The following CSMD2 variants were observed in gnomAD, a reference collection of about 807,000 sequenced individuals.
The protein encoded by CSMD2 is CUB and Sushi multiple domains 2.
CSMD2 carries 130 observed loss-of-function variants against 398.5 expected under a neutral mutation model. The ratio of observed to expected loss-of-function variants is 0.33; its 90% confidence interval spans 0.28 to 0.38. The LOEUF is 0.38. Ranked by LOEUF, CSMD2 falls within the 10% of genes least tolerant of loss-of-function variation. CSMD2 has a pLI of 1.00. For synonymous variants in CSMD2, 1,828 were observed against 1,908.5 expected (o/e 0.96, Z 1.10); for missense variants, 3,829 against 4,764.9 (o/e 0.80, Z 5.78).
At chr1:34,050,611 G>A (rs1384316720) in intron 2 of CSMD2, among the ~76,000 whole-genome samples, 2 of 152,206 alleles carry the variant, frequency 1.3e-5, no homozygotes, top group African/African-American at 4.8e-5. Context: ...TTCTCCAGAA[G>A]GCTGTATATG....
intron 3 of CSMD2, among the ~76,000 whole-genome samples, chr1:34,003,026 A>C (rs938595909): frequency 6.6e-6 from 1 of 152,176 alleles, no homozygotes; most frequent in Non-Finnish European, 1.5e-5. Flanking sequence ...ACCTATTTGC[A>C]TAAACAGTAC....
chr1:33,690,915 G>A (rs1487351762), intron 25 of CSMD2, among the ~76,000 whole-genome samples: 2 of 152,170 alleles, frequency 1.3e-5, no homozygotes, highest in African/African-American at 4.8e-5. Flanking sequence ...GTGTCATCAG[G>A]AAAATATATG....
At chr1:34,110,591 A>C (rs1660981680) in intron 1 of CSMD2, among the ~76,000 whole-genome samples, 1 of 152,214 alleles carries the variant, frequency 6.6e-6, no homozygotes, top group Non-Finnish European at 1.5e-5. Context: ...TTAAGCTAGA[A>C]GTCATTATCC....
chr1:34,117,872 G>A (rs369274099), intron 1 of CSMD2, among the ~76,000 whole-genome samples: 8 of 152,204 alleles, frequency 5.3e-5, no homozygotes, highest in African/African-American at 1.7e-4. Context: ...TCATCTCAAT[G>A]CAGAAAAAGC....
intron 6 of CSMD2, among the ~76,000 whole-genome samples, chr1:33,828,734 A>C (rs940222542): frequency 1.3e-5 from 2 of 152,158 alleles, no homozygotes; most frequent in Admixed American, 6.5e-5. Context: ...GCCTCTCTCA[A>C]GGGCCCAGAA....
In CSMD2 at chr1:34,163,833, C is replaced by CT. The variant is rs1641586015; in HGVS notation, c.187+1077dup. Among the ~76,000 whole-genome samples the CT allele has an allele frequency of 6.6e-6, 1 of 152,118 alleles. No individual in the cohort carries two copies. The highest frequency in any genetic ancestry group is 2.1e-4 in the South Asian group (1 of 4,828). ...CCCGTCTCCACCCGGGCACACGGAA[C>CT]TTTCTAGCTTGTAGCTAGAACTGAG... is the stretch of plus-strand genomic sequence containing the variant. On this transcript the variant is annotated intron_variant, in intron 1 of 70. Coordinates refer to ENST00000373381, the MANE Select transcript of CSMD2 (RefSeq NM_001281956.2). The surrounding 1 kb of genome is among the most constrained non-coding windows in gnomAD (Gnocchi z 5.4).
intron 22 of CSMD2, among the ~76,000 whole-genome samples, chr1:33,705,946 A>C (rs754418363): frequency 1.8e-3 from 270 of 151,956 alleles, no homozygotes; most frequent in Non-Finnish European, 3.5e-3. Context: ...AAAAAAAAAA[A>C]AACAGTTGGT....
intron 5 of CSMD2, among the ~76,000 whole-genome samples, chr1:33,854,972 G>C (rs1277860316): frequency 6.6e-6 from 1 of 152,138 alleles, no homozygotes; most frequent in Non-Finnish European, 1.5e-5. Flanking sequence ...TGCTAGCTCA[G>C]CTGCTCAGCT....
At chr1:33,881,912 C>T (rs1641263980) in intron 5 of CSMD2, among the ~76,000 whole-genome samples, 1 of 152,040 alleles carries the variant, frequency 6.6e-6, no homozygotes, top group Non-Finnish European at 1.5e-5. Context: ...TTTTAATCCC[C>T]ATGTGTTGTA....
intron 1 of CSMD2, among the ~76,000 whole-genome samples, chr1:34,136,951 C>T (rs905953805): frequency 5.9e-5 from 9 of 152,112 alleles, no homozygotes; most frequent in Non-Finnish European, 1.0e-4. Context: ...TTTCCATTCA[C>T]TCATCCATTC....
At chr1:33,869,051 T>C (rs182084263) in intron 5 of CSMD2, 6 of 152,132 alleles carry the variant, frequency 3.9e-5, no homozygotes, top group Non-Finnish European at 7.4e-5. Context: ...CAACTGGAGG[T>C]GTGAACAAAT....
chr1:33,573,945 C>T (rs1052220254), intron 49 of CSMD2, among the ~76,000 whole-genome samples: 20 of 152,162 alleles, frequency 1.3e-4, no homozygotes, highest in Admixed American at 2.6e-4. Context: ...TGTGAAGGAA[C>T]GAGAATCAAA....
intron 55 of CSMD2, among the ~76,000 whole-genome samples, chr1:33,556,918 C>T (rs1340561357): frequency 6.6e-6 from 1 of 152,146 alleles, no homozygotes; most frequent in African/African-American, 2.4e-5. Context: ...TGAGGCCTCC[C>T]CAGCCCTGTG....
At chr1:34,126,243 C>G (rs1454854539) in intron 1 of CSMD2, among the ~76,000 whole-genome samples, 1 of 152,238 alleles carries the variant, frequency 6.6e-6, no homozygotes, top group Non-Finnish European at 1.5e-5. Context: ...GGGAGCTCAA[C>G]CTAAGGCACT....
chr1:33,999,969 A>T (rs472128), intron 3 of CSMD2, among the ~76,000 whole-genome samples: 3,835 of 152,264 alleles, frequency 0.025, 158 homozygotes, highest in African/African-American at 0.086. Flanking sequence ...CAGTGAAGGT[A>T]TTTACATTTT....
intron 3 of CSMD2, among the ~76,000 whole-genome samples, chr1:33,996,260 T>G (rs942882904): frequency 1.3e-5 from 2 of 152,216 alleles, no homozygotes; most frequent in African/African-American, 4.8e-5. Flanking sequence ...GCCCCAATCC[T>G]GGACACACAG....
At chr1:34,143,488 C>T (rs1427131554) in intron 1 of CSMD2, among the ~76,000 whole-genome samples, 1 of 152,102 alleles carries the variant, frequency 6.6e-6, no homozygotes, top group African/African-American at 2.4e-5. Context: ...TATTGTGATG[C>T]TCACCACATT....
At chr1:34,069,613 T>C (rs1398943688) in intron 2 of CSMD2, among the ~76,000 whole-genome samples, 1 of 152,198 alleles carries the variant, frequency 6.6e-6, no homozygotes, top group African/African-American at 2.4e-5. Flanking sequence ...ACATGGAGAC[T>C]ATAAGATGCT....
At chr1:33,827,563 C>T (rs6425842) in intron 6 of CSMD2, among the ~76,000 whole-genome samples, 118,656 of 152,162 alleles carry the variant, frequency 0.78, 47,005 homozygotes, top group East Asian at 0.94. Flanking sequence ...TCCTTCCCAA[C>T]GTTATCTTCC....
Sources: allele counts gnomAD v4.1 joint callset (sites outside exome capture counted in the v4.1 genomes callset), GRCh38; gene constraint gnomAD v4.1.1; non-coding constraint Gnocchi (gnomAD v3.1); transcripts MANE v1.5; gene names NCBI Gene and HGNC (gene_info 2026-07-23, HGNC 2026-07-21).